The following DGKI variants were observed in gnomAD, a reference collection of about 807,000 sequenced individuals.
The protein encoded by DGKI is DAG kinase iota.
Under a neutral mutation model 147.5 loss-of-function variants are expected in DGKI, and 55 were observed. That is an observed-to-expected ratio of 0.37 (90% confidence interval 0.30 to 0.47). The LOEUF (loss-of-function observed/expected upper bound fraction) is 0.47, where lower values mean the gene tolerates loss of function less well. DGKI is among the 20% of genes least tolerant of loss of function. The pLI is 1.00. For synonymous variants in DGKI, 469 were observed against 477.1 expected, an observed-to-expected ratio of 0.98 and a Z score of 0.22; for missense variants, 1,007 against 1,323.8, an observed-to-expected ratio of 0.76 and a Z score of 3.71.
rs1429336849 is a variant in DGKI, at chr7:137,463,894, C to A, written c.2613-283G>T. The stretch of plus-strand genomic sequence containing the variant: ...AAGTAATAGACCTAGGGCAGAAATG[C>A]AGATTAGAAAATAACAAAGTCCATC... On this transcript the variant is annotated intron_variant, in intron 26 of 32. Coordinates refer to ENST00000614521, the MANE Select transcript of DGKI (RefSeq NM_001321708.2). Among the ~76,000 whole-genome samples the A allele has an allele frequency of 2.0e-5, 3 of 152,114 alleles. 1 individual carries two copies. The highest frequency in any genetic ancestry group is 4.8e-5 in the African/African-American group (2 of 41,420).
At chr7:137,487,042 C>T (rs1036026305) in intron 22 of DGKI, among the ~76,000 whole-genome samples, 24 of 152,158 alleles carry the variant, frequency 1.6e-4, no homozygotes, top group African/African-American at 4.8e-4. Context: ...GGTCTCCTGG[C>T]TTTGCTGGTG....
At chr7:137,643,843 C>T (rs1821737605) in intron 6 of DGKI, among the ~76,000 whole-genome samples, 1 of 152,176 alleles carries the variant, frequency 6.6e-6, no homozygotes, top group Admixed American at 6.5e-5. Flanking sequence ...AAATCCCTCC[C>T]ACTCCATTAT....
chr7:137,726,257 CAT>C (rs1794714297), intron 1 of DGKI, among the ~76,000 whole-genome samples: 1 of 152,252 alleles, frequency 6.6e-6, no homozygotes, highest in African/African-American at 2.4e-5. Context: ...CTCTCTCTCC[CAT>C]ATGTCTTGAA....
chr7:137,656,392 G>A, intron 4 of DGKI, 74 bp downstream of exon 4: 2 of 1,517,580 alleles, frequency 1.3e-6, no homozygotes, highest in Non-Finnish European at 1.8e-6. Context: ...AGTTGGAACT[G>A]GAAATTTACA....
chr7:137,453,968 GC>G (rs1475947952), intron 27 of DGKI, among the ~76,000 whole-genome samples: 1 of 150,396 alleles, frequency 6.6e-6, no homozygotes, highest in African/African-American at 2.5e-5. Context: ...GATATATTTG[GC>G]TTTTAGAAAA....
At chr7:137,716,356 C>T (rs966132316) in intron 1 of DGKI, among the ~76,000 whole-genome samples, 3 of 152,160 alleles carry the variant, frequency 2.0e-5, no homozygotes, top group African/African-American at 7.2e-5. Flanking sequence ...AAAGAGCTTG[C>T]TAACTATTCG....
intron 20 of DGKI, among the ~76,000 whole-genome samples, chr7:137,540,754 A>G: frequency 1.1e-5 from 1 of 89,634 alleles, no homozygotes; most frequent in African/African-American, 5.1e-5. Flanking sequence ...ACATTTTAAA[A>G]ACCCCCCCAA....
chr7:137,767,719 G>A (rs1287909946), intron 1 of DGKI, among the ~76,000 whole-genome samples: 2 of 152,198 alleles, frequency 1.3e-5, no homozygotes, highest in Admixed American at 6.5e-5. Flanking sequence ...TTGGTTTGAA[G>A]TCTGGCTCCA....
chr7:137,508,322 G>A (rs116895050), intron 21 of DGKI, among the ~76,000 whole-genome samples: 2,441 of 143,244 alleles, frequency 0.017, 26 homozygotes, highest in Middle Eastern at 0.035. Flanking sequence ...CTGCCTTCCC[G>A]GTTACTCCTT....
chr7:137,447,150 A>C (rs1255142585), intron 27 of DGKI, among the ~76,000 whole-genome samples: 1 of 152,210 alleles, frequency 6.6e-6, no homozygotes, highest in Admixed American at 6.5e-5. Context: ...CAGCAAAATA[A>C]TACAAAACAA....
At chr7:137,686,891 C>T (rs1823436795) in intron 2 of DGKI, among the ~76,000 whole-genome samples, 1 of 152,134 alleles carries the variant, frequency 6.6e-6, no homozygotes, top group Non-Finnish European at 1.5e-5. Context: ...TGGGATTCCA[C>T]AATAAGTAGA....
At chr7:137,569,872 C>G (rs995112379) in intron 19 of DGKI, among the ~76,000 whole-genome samples, 2 of 148,838 alleles carry the variant, frequency 1.3e-5, no homozygotes, top group African/African-American at 4.9e-5. Flanking sequence ...AGATAAGGAG[C>G]TATATTGTGT....
At chr7:137,777,609 T>A (rs1240006697) in intron 1 of DGKI, among the ~76,000 whole-genome samples, 2 of 152,258 alleles carry the variant, frequency 1.3e-5, no homozygotes, top group Non-Finnish European at 2.9e-5. Flanking sequence ...TTAAGTCATA[T>A]CTCAACAGAT....
At chr7:137,728,244 C>T (rs371700976) in intron 1 of DGKI, among the ~76,000 whole-genome samples, 15 of 152,126 alleles carry the variant, frequency 9.9e-5, no homozygotes, top group African/African-American at 3.4e-4. Flanking sequence ...AAGTCTGCTC[C>T]CATCTAAGGA....
intron 3 of DGKI, among the ~76,000 whole-genome samples, chr7:137,669,859 T>C (rs1169690915): frequency 6.6e-6 from 1 of 152,194 alleles, no homozygotes; most frequent in Non-Finnish European, 1.5e-5. Flanking sequence ...ATGTTGTTGT[T>C]ATGGATCAGA....
At position 137,645,325 on chromosome 7, in the gene DGKI, C is replaced by T. The variant is rs1443003102; in HGVS notation, c.804+147G>A. 1.7e-5 allele frequency: 9 copies of T among 528,902 alleles called. No homozygotes were observed. In the East Asian group the frequency reaches 2.7e-4, roughly 16 times the overall value. The allele number at this position is 528,902 out of a possible 1,614,324, so 32.8% of individuals were successfully genotyped here. A position where few individuals can be genotyped will look rare whatever the true frequency, so the allele number is the denominator to read the frequency against. On this transcript the variant is annotated intron_variant, in intron 6 of 32. Transcript: ENST00000614521. The stretch of plus-strand genomic sequence containing the variant: ...AGTGAGTTCTAGAACAACTACAATG[C>T]CTCTTAAGGAGACCTGGACAAGTAA...
At chr7:137,503,128 G>A (rs1301204191) in intron 21 of DGKI, among the ~76,000 whole-genome samples, 1 of 152,116 alleles carries the variant, frequency 6.6e-6, no homozygotes, top group Non-Finnish European at 1.5e-5. Context: ...CCAGATTCAG[G>A]TGAACTTATA....
chr7:137,685,006 G>A (rs1190485519), intron 2 of DGKI, among the ~76,000 whole-genome samples: 1 of 152,158 alleles, frequency 6.6e-6, no homozygotes, highest in Non-Finnish European at 1.5e-5. Flanking sequence ...CTAAAGATAA[G>A]ATGACCTAGT....
intron 1 of DGKI, among the ~76,000 whole-genome samples, chr7:137,693,446 T>C (rs62490507): frequency 6.6e-6 from 1 of 152,136 alleles, no homozygotes; most frequent in Non-Finnish European, 1.5e-5. Context: ...AAAGAAAATA[T>C]CCTATAATGC....
Sources: allele counts gnomAD v4.1 joint callset (sites outside exome capture counted in the v4.1 genomes callset), GRCh38; gene constraint gnomAD v4.1.1; transcripts MANE v1.5; gene names NCBI Gene and HGNC (gene_info 2026-07-23, HGNC 2026-07-21).